Variants in SUMF1 observed in about 807,000 individuals in gnomAD.
The protein encoded by SUMF1 is sulfatase modifying factor 1.
A neutral mutation model predicts 47.6 loss-of-function variants in SUMF1; 48 were observed. The observed-to-expected ratio is 1.01, with a 90% CI of 0.80 to 1.28. SUMF1 has a LOEUF of 1.28. Ranked by LOEUF, SUMF1 falls within the 50% of genes most tolerant of loss-of-function variation. The pLI is 0.00. For missense variants in SUMF1, 571 were observed against 485.4 expected, an observed-to-expected ratio of 1.18 and a Z score of -1.66; for synonymous variants, 230 against 192.1, an observed-to-expected ratio of 1.20 and a Z score of -1.63.
At chr3:4,341,161 C>A (rs1424683280) in intron 8 of SUMF1, among the ~76,000 whole-genome samples, 1 of 151,910 alleles carries the variant, frequency 6.6e-6, no homozygotes, top group Non-Finnish European at 1.5e-5. Context: ...GGCATTATTG[C>A]CAGAAAGTAC....
intron 9 of SUMF1, among the ~76,000 whole-genome samples, chr3:4,056,147 G>C (rs1695187945): frequency 6.6e-6 from 1 of 152,012 alleles, no homozygotes; most frequent in African/African-American, 2.4e-5. Context: ...CCTTTACCGT[G>C]TAACCTAACA....
intron 8 of SUMF1, among the ~76,000 whole-genome samples, chr3:4,251,128 T>C (rs997307235): frequency 2.0e-5 from 3 of 152,188 alleles, no homozygotes; most frequent in Non-Finnish European, 4.4e-5. Context: ...AGAACATTCA[T>C]GATGCATGGA....
intron 9 of SUMF1, among the ~76,000 whole-genome samples, chr3:4,048,931 T>G (rs558300941): frequency 1.3e-5 from 2 of 152,282 alleles, no homozygotes; most frequent in African/African-American, 4.8e-5. Context: ...TCAGTCTGTC[T>G]GTACCATTTG....
intron 1 of SUMF1, among the ~76,000 whole-genome samples, chr3:4,456,754 G>A (rs1159693530): frequency 7.5e-5 from 2 of 26,712 alleles, no homozygotes; most frequent in South Asian, 2.0e-3. Context: ...ACATATATAC[G>A]TGTGTGTGTA....
At chr3:4,408,162 CA>C (rs1701432157) in intron 7 of SUMF1, among the ~76,000 whole-genome samples, 1 of 152,114 alleles carries the variant, frequency 6.6e-6, no homozygotes, top group African/African-American at 2.4e-5. Context: ...AAGCCAAGAA[CA>C]ACAGAAACAG....
At chr3:4,297,911 G>A (rs1049274009) in intron 8 of SUMF1, among the ~76,000 whole-genome samples, 8 of 152,060 alleles carry the variant, frequency 5.3e-5, no homozygotes, top group Non-Finnish European at 5.9e-5. Flanking sequence ...GAACAAAAAA[G>A]CATAAAAACA....
chr3:4,322,880 G>T (rs961008794), intron 8 of SUMF1, among the ~76,000 whole-genome samples: 1 of 151,986 alleles, frequency 6.6e-6, no homozygotes, highest in Admixed American at 6.6e-5. Context: ...AAAAGTGTAT[G>T]CACATCCAGC....
chr3:4,073,286 G>A (rs1692329486), intron 8 of SUMF1, among the ~76,000 whole-genome samples: 1 of 152,310 alleles, frequency 6.6e-6, no homozygotes, highest in South Asian at 2.1e-4. Flanking sequence ...AGCAAATGCT[G>A]AGAGATTTTG....
chr3:4,366,215 G>GA (rs1330701088), intron 8 of SUMF1, among the ~76,000 whole-genome samples: 1 of 151,906 alleles, frequency 6.6e-6, no homozygotes, highest in African/African-American at 2.4e-5. Flanking sequence ...TCTTCTCGAG[G>GA]AGTATCTTTG....
intron 8 of SUMF1, among the ~76,000 whole-genome samples, chr3:4,341,011 T>G: frequency 6.6e-6 from 1 of 152,308 alleles, no homozygotes; most frequent in South Asian, 2.1e-4. Context: ...TTAGGAGATA[T>G]ACGTGCTGTA....
intron 1 of SUMF1, 130 bp downstream of exon 1, chr3:4,466,846 C>T (rs1038232186): frequency 1.9e-5 from 26 of 1,370,676 alleles, no homozygotes; most frequent in Non-Finnish European, 2.5e-5. Flanking sequence ...CATACGGGAA[C>T]AGCAGGTGCT....
intron 2 of SUMF1, among the ~76,000 whole-genome samples, chr3:4,450,919 G>C (rs1004565248): frequency 6.6e-6 from 1 of 151,926 alleles, no homozygotes; most frequent in African/African-American, 2.4e-5. Flanking sequence ...GTATACAAGA[G>C]GAGCATGATA....
intron 7 of SUMF1, among the ~76,000 whole-genome samples, chr3:4,395,185 G>A (rs745877746): frequency 4.6e-5 from 7 of 152,090 alleles, no homozygotes; most frequent in Admixed American, 4.6e-4. Context: ...AGAGAACCAG[G>A]AGTCAAAGTC....
intron 7 of SUMF1, among the ~76,000 whole-genome samples, chr3:4,381,140 G>C: frequency 6.6e-6 from 1 of 152,172 alleles, no homozygotes; most frequent in East Asian, 1.9e-4. Context: ...GGGATGGAGA[G>C]TGTGACAAAT....
rs1697788835 is a variant in SUMF1, at chr3:4,293,907, G to C, written c.1014+82423C>G. On this transcript the variant is annotated intron_variant and NMD_transcript_variant, in intron 8 of 12. Transcript: ENST00000448413. ...CTAATCCTTTCATTCCTGCACAGCA[G>C]CCAGAAGAAAAGTAGTCTCTGAATA... is the stretch of plus-strand genomic sequence containing the variant. 2.0e-5 allele frequency among the ~76,000 whole-genome samples: 3 copies of C among 152,122 alleles called. No homozygotes were observed. In the South Asian group the frequency reaches 6.2e-4, roughly 32 times the overall value.
intron 8 of SUMF1, among the ~76,000 whole-genome samples, chr3:4,260,594 C>CA (rs1175704145): frequency 1.3e-5 from 2 of 152,080 alleles, no homozygotes; most frequent in Non-Finnish European, 2.9e-5. Context: ...TGAACAGATG[C>CA]TGGCTATGGT....
At chr3:4,177,397 G>A (rs2600125) in intron 8 of SUMF1, among the ~76,000 whole-genome samples, 100,515 of 151,912 alleles carry the variant, frequency 0.66, 33,376 homozygotes, top group South Asian at 0.73. Context: ...ACTCAAAACC[G>A]CACAACTACA....
chr3:4,246,964 T>C (rs1482943282), intron 8 of SUMF1, among the ~76,000 whole-genome samples: 2 of 152,200 alleles, frequency 1.3e-5, no homozygotes, highest in African/African-American at 2.4e-5. Context: ...TCAGGGCTCA[T>C]GAGTGCCTAG....
chr3:4,097,019 A>G (rs1337088759), intron 8 of SUMF1, among the ~76,000 whole-genome samples: 1 of 152,146 alleles, frequency 6.6e-6, no homozygotes, highest in East Asian at 1.9e-4. Context: ...TTTAGCCAGT[A>G]TGTCAGATTC....
Sources: allele counts gnomAD v4.1 joint callset (sites outside exome capture counted in the v4.1 genomes callset), GRCh38; gene constraint gnomAD v4.1.1; transcripts MANE v1.5; gene names NCBI Gene and HGNC (gene_info 2026-07-23, HGNC 2026-07-21).